PDZRN4: variants seen among roughly 807,000 people sequenced by gnomAD.
The protein encoded by PDZRN4 is PDZ domain-containing RING finger protein 4.
In PDZRN4, 70 loss-of-function variants were observed where a neutral mutation model predicts 99.0. That is an observed-to-expected ratio of 0.71 (90% CI 0.58 to 0.86). PDZRN4 has a LOEUF of 0.86. Ranked by LOEUF, PDZRN4 falls within the 40% of genes least tolerant of loss-of-function variation. The pLI is 0.00. For synonymous variants in PDZRN4, 551 were observed against 501.6 expected, an observed-to-expected ratio of 1.10 and a Z score of -1.32; for missense variants, 1,474 against 1,331.2, an observed-to-expected ratio of 1.11 and a Z score of -1.67.
intron 3 of PDZRN4, among the ~76,000 whole-genome samples, chr12:41,460,334 A>G (rs553451755): frequency 5.3e-5 from 8 of 152,352 alleles, no homozygotes; most frequent in African/African-American, 1.9e-4. Flanking sequence ...ATATTTAATT[A>G]GTTCAAACTT....
chr12:41,442,395 G>T (rs1014705303), intron 3 of PDZRN4, among the ~76,000 whole-genome samples: 6 of 151,716 alleles, frequency 4.0e-5, no homozygotes, highest in Admixed American at 3.9e-4. Context: ...TCCCACCTTC[G>T]GACTCCTTTT....
rs565177167 is a variant in PDZRN4 at position 41,521,274 on chromosome 12, G to T, written c.1203+11361G>T. Among the ~76,000 whole-genome samples the T allele has an allele frequency of 5.3e-5, 8 of 152,146 alleles. No homozygotes were observed. In the South Asian group the frequency reaches 1.5e-3, roughly 28 times the overall value. ...TTTTCTTCATTCTGTAAAACACATT[G>T]ACACCATTTGCTCTTTTTGCTCTCT... On this transcript the variant is annotated intron_variant, in intron 5 of 9. Coordinates refer to ENST00000402685, the MANE Select transcript of PDZRN4 (RefSeq NM_001164595.2).
At chr12:41,319,907 G>A (rs1951663759) in intron 3 of PDZRN4, among the ~76,000 whole-genome samples, 1 of 152,142 alleles carries the variant, frequency 6.6e-6, no homozygotes, top group African/African-American at 2.4e-5. Flanking sequence ...ACCCTTTTCT[G>A]CAACAAGAGC....
intron 3 of PDZRN4, among the ~76,000 whole-genome samples, chr12:41,374,525 G>A (rs11180864): frequency 2.0e-5 from 3 of 151,972 alleles, no homozygotes; most frequent in Non-Finnish European, 4.4e-5. Context: ...GATCAGCAAG[G>A]GTTTCAGAGA....
chr12:41,395,206 T>A (rs139773338), intron 3 of PDZRN4, among the ~76,000 whole-genome samples: 44 of 151,768 alleles, frequency 2.9e-4, no homozygotes, highest in Non-Finnish European at 5.2e-4. Context: ...TACATCCTCT[T>A]GAGTATAGCC....
chr12:41,284,844 T>C (rs1353475125), intron 3 of PDZRN4, among the ~76,000 whole-genome samples: 1 of 152,088 alleles, frequency 6.6e-6, no homozygotes, highest in Non-Finnish European at 1.5e-5. Context: ...TTACACCTTA[T>C]ACAAAAATTT....
intron 3 of PDZRN4, among the ~76,000 whole-genome samples, chr12:41,316,494 G>A (rs11504344): frequency 1.4e-5 from 2 of 145,412 alleles, no homozygotes; most frequent in African/African-American, 5.2e-5. Flanking sequence ...GTGTGTGTGT[G>A]TATAAAATAA....
chr12:41,382,569 G>A (rs955449306), intron 3 of PDZRN4, among the ~76,000 whole-genome samples: 7 of 152,156 alleles, frequency 4.6e-5, no homozygotes, highest in African/African-American at 1.2e-4. Flanking sequence ...ATACAGAAGA[G>A]GGCCCTAGGA....
chr12:41,489,263 G>A (rs973205070), intron 3 of PDZRN4, among the ~76,000 whole-genome samples: 2 of 152,016 alleles, frequency 1.3e-5, no homozygotes, highest in Admixed American at 6.6e-5. Context: ...TTGGGTGGGG[G>A]CAGAGGTGTG....
chr12:41,192,696 G>C lies in PDZRN4; in HGVS notation c.735+1152G>C, dbSNP rs574845168. Among the ~76,000 whole-genome samples the C allele has an allele frequency of 9.9e-5, 15 of 152,196 alleles. No individual in the cohort carries two copies. The East Asian group carries it at 2.7e-3, about 27-fold the overall frequency. ...TGAATGAATGAACAGTTGAAACAAG[G>C]GATGATTGATTTCAATAGGAAGTAC... On this transcript the variant is annotated intron_variant, in intron 2 of 9. Coordinates refer to ENST00000402685, the MANE Select transcript of PDZRN4 (RefSeq NM_001164595.2).
chr12:41,452,820 T>C (rs1426932908), intron 3 of PDZRN4, among the ~76,000 whole-genome samples: 1 of 152,170 alleles, frequency 6.6e-6, no homozygotes, highest in Non-Finnish European at 1.5e-5. Flanking sequence ...TTCAGTTACC[T>C]TAATTTGCTG....
At chr12:41,354,475 T>C (rs937845876) in intron 3 of PDZRN4, among the ~76,000 whole-genome samples, 1 of 151,988 alleles carries the variant, frequency 6.6e-6, no homozygotes, top group African/African-American at 2.4e-5. Context: ...TATGAGTCTC[T>C]TTTTTGGAAA....
chr12:41,194,550 T>C (rs3847981), intron 3 of PDZRN4, among the ~76,000 whole-genome samples: 95,692 of 151,952 alleles, frequency 0.63, 30,321 homozygotes, highest in South Asian at 0.69. Context: ...CTGAGGTGGG[T>C]GGATCACTCG....
intron 3 of PDZRN4, among the ~76,000 whole-genome samples, chr12:41,253,577 A>T (rs578019959): frequency 3.7e-4 from 56 of 152,302 alleles, no homozygotes; most frequent in African/African-American, 1.3e-3. Flanking sequence ...GAAGAACAGG[A>T]TGGAGGTTCC....
intron 5 of PDZRN4, among the ~76,000 whole-genome samples, chr12:41,520,492 T>C (rs998495848): frequency 2.0e-5 from 3 of 152,238 alleles, no homozygotes; most frequent in African/African-American, 7.2e-5. Flanking sequence ...ACTCTTTGGA[T>C]ATACCTCTCA....
chr12:41,246,603 A>T (rs1951135331), intron 3 of PDZRN4, among the ~76,000 whole-genome samples: 1 of 152,196 alleles, frequency 6.6e-6, no homozygotes, highest in Admixed American at 6.5e-5. Context: ...TGAGGTAACA[A>T]GTTCCTGGCA....
At chr12:41,316,848 T>G (rs1403930702) in intron 3 of PDZRN4, among the ~76,000 whole-genome samples, 1 of 151,570 alleles carries the variant, frequency 6.6e-6, no homozygotes, top group Non-Finnish European at 1.5e-5. Context: ...ACACCTGGCC[T>G]CCATCTCATT....
At chr12:41,235,386 A>G (rs77429126) in intron 3 of PDZRN4, among the ~76,000 whole-genome samples, 2,629 of 152,282 alleles carry the variant, frequency 0.017, 41 homozygotes, top group East Asian at 0.06. Context: ...TAGCTTTTCA[A>G]TATTATAGTT....
chr12:41,194,528 C>G (rs951657169), intron 3 of PDZRN4, among the ~76,000 whole-genome samples: 10 of 152,128 alleles, frequency 6.6e-5, no homozygotes, highest in African/African-American at 2.4e-4. Context: ...ATGGTCCCAG[C>G]TACTCAGGAG....
Sources: allele counts gnomAD v4.1 joint callset (sites outside exome capture counted in the v4.1 genomes callset), GRCh38; gene constraint gnomAD v4.1.1; transcripts MANE v1.5; gene names NCBI Gene and HGNC (gene_info 2026-07-23, HGNC 2026-07-21).